The following SOX13 variants were observed in gnomAD, a reference collection of about 807,000 sequenced individuals.
SOX13 encodes the protein transcription factor SOX-13.
SOX13 carries 28 observed loss-of-function variants against 71.8 expected under a neutral mutation model. That is an observed-to-expected ratio of 0.39 (90% CI 0.29 to 0.53). The LOEUF (loss-of-function observed/expected upper bound fraction) is 0.53. Ranked by LOEUF, SOX13 falls within the 20% of genes least tolerant of loss-of-function variation. The pLI, the probability that SOX13 is intolerant of heterozygous loss-of-function variation, is 0.70. For missense variants in SOX13, 627 were observed against 810.3 expected (o/e 0.77, Z 2.75); for synonymous variants, 309 against 317.8 (o/e 0.97, Z 0.29).
At chr1:204,122,530 C>T in intron 9 of SOX13, 131 bp downstream of exon 9, 1 of 717,772 alleles carries the variant, frequency 1.4e-6, no homozygotes, top group Non-Finnish European at 2.3e-6. Context: ...TAGACTTGCT[C>T]TTAGCAGAAG....
rs1177612308 is a variant in SOX13 at position 204,114,576 on chromosome 1, G to A, written c.389G>A (p.Arg130Lys). 8.7e-6 allele frequency: 14 copies of A among 1,613,636 alleles called. No individual in the cohort carries two copies. The highest frequency in any genetic ancestry group is 1.2e-5 in the Non-Finnish European group (14 of 1,179,692). ...GACTGGAAGGAGAGGTTTCTAGGAA[G>A]GAACTCTATGGAAGCCAAAGATGTC... Reference protein sequence around the residue: ...SSDWKERFLGRNSMEAKDVKG... With the variant: ...SSDWKERFLGKNSMEAKDVKG... The change falls in exon 4 of 14, where the codon AGG becomes AAG. Residue 130 changes from arginine to lysine, a missense_variant. Arg to Lys is a conservative substitution (Grantham distance 26, BLOSUM62 2). Around this residue, in one of 3 missense-constraint regions of SOX13, gnomAD observed 447 missense variants for 532.2 expected, o/e 0.84. Transcript: ENST00000367204.
At chr1:204,087,174 G>A (rs1369782994) in intron 1 of SOX13, among the ~76,000 whole-genome samples, 5 of 152,122 alleles carry the variant, frequency 3.3e-5, no homozygotes, top group East Asian at 1.9e-4. Flanking sequence ...TGCCCGCCTC[G>A]GCCTCCCAAA....
intron 1 of SOX13, among the ~76,000 whole-genome samples, chr1:204,110,786 A>C (rs926590318): frequency 6.6e-6 from 1 of 152,190 alleles, no homozygotes; most frequent in Non-Finnish European, 1.5e-5. Context: ...GAGCTGATGC[A>C]GTATTTAAAT....
rs1313379378 is a variant in SOX13 at position 204,123,065 on chromosome 1, G to C, written c.1135-47G>C. The C allele has an allele frequency of 6.5e-7, 1 of 1,538,396 alleles. No individual in the cohort carries two copies. Among genetic ancestry groups the C allele is most frequent in the South Asian group, 1.1e-5 (1 of 89,210 alleles). ...CCAAGAGAGGAGCATGGGGAGGAGT[G>C]GGGTGATGCAGAGGAGGCTGATGTC... On this transcript the variant is annotated intron_variant, in intron 10 of 13. Coordinates refer to ENST00000367204, the MANE Select transcript of SOX13 (RefSeq NM_005686.3). The surrounding 1 kb of genome is among the most constrained non-coding windows in gnomAD (Gnocchi z 5.0).
Position 204,088,478 on chromosome 1 carries a change from ACTAAACATAATT to A in SOX13, c.-2+14768_-2+14779del, listed in dbSNP as rs1656070446. ...CATGGCATTTGCATATAACCAGTAC[ACTAAACATAATT>A]TTATAATCTATCCCCAGGCACATTC... is the stretch of plus-strand genomic sequence containing the variant. On this transcript the variant is annotated intron_variant, in intron 1 of 13. Coordinates refer to ENST00000367204, the MANE Select transcript of SOX13 (RefSeq NM_005686.3). Among the ~76,000 whole-genome samples, 3 of 152,176 alleles carry A rather than the reference ACTAAACATAATT, an allele frequency of 2.0e-5. No individual in the cohort carries two copies. In the South Asian group the frequency reaches 6.2e-4, roughly 31 times the overall value.
chr1:204,122,339 C>G lies in SOX13; in HGVS notation c.964C>G (p.Pro322Ala), dbSNP rs201524589. The G allele has an allele frequency of 8.1e-5, 127 of 1,561,552 alleles. No homozygotes were observed. Among genetic ancestry groups the G allele is most frequent in the Admixed American group, 3.2e-4 (17 of 53,570 alleles). The change falls in exon 9 of 14, where the codon CCC (proline) becomes GCC (alanine). Residue 322 changes from proline to alanine, a missense_variant. By Grantham distance (27) the Pro-to-Ala change is conservative. This residue lies in a region of SOX13 where 447 missense variants were observed against 532.2 expected (regional missense o/e 0.84). Transcript: ENST00000367204. ...GAAGATGAGCAGCTGTGTGCCCCGC[C>G]CCCCCAGCCATGGAGGCCCCACGCG... is the stretch of plus-strand genomic sequence containing the variant. ...SLKMSSCVPR[P>A]PSHGGPTRDL...
At chr1:204,122,545 CCTT>C in intron 9 of SOX13, 146 bp downstream of exon 9, 1 of 655,260 alleles carries the variant, frequency 1.5e-6, no homozygotes, top group East Asian at 2.8e-5. Flanking sequence ...CAGAAGATCC[CCTT>C]CTTCCTCTCC....
At chr1:204,103,999 G>A (rs1656409217) in intron 1 of SOX13, among the ~76,000 whole-genome samples, 1 of 152,226 alleles carries the variant, frequency 6.6e-6, no homozygotes. Flanking sequence ...TGCCTCTGAG[G>A]CCTGAGGACC....
At chr1:204,089,163 A>G (rs1174678384) in intron 1 of SOX13, among the ~76,000 whole-genome samples, 2 of 126,386 alleles carry the variant, frequency 1.6e-5, no homozygotes, top group Non-Finnish European at 1.6e-5. Context: ...TCTGTTCTCC[A>G]GTGTTGGGGG....
intron 1 of SOX13, among the ~76,000 whole-genome samples, chr1:204,085,790 C>T (rs556882500): frequency 1.2e-4 from 18 of 151,576 alleles, no homozygotes; most frequent in Middle Eastern, 3.4e-3. Context: ...CTGGCTAACA[C>T]GGTGAAACCC....
At chr1:204,074,486 ATTG>A (rs1429808990) in intron 1 of SOX13, 1 of 151,934 alleles carries the variant, frequency 6.6e-6, no homozygotes, top group African/African-American at 2.4e-5. Context: ...GCGGCTCGCC[ATTG>A]TTTTCCCACC....
intron 1 of SOX13, among the ~76,000 whole-genome samples, chr1:204,090,105 C>T (rs1656111770): frequency 6.6e-6 from 1 of 152,126 alleles, no homozygotes; most frequent in Non-Finnish European, 1.5e-5. Context: ...TGGTTTTTTG[C>T]ATCCCAGCCA....
chr1:204,093,416 G>A (rs1025437340), intron 1 of SOX13, among the ~76,000 whole-genome samples: 6 of 152,210 alleles, frequency 3.9e-5, no homozygotes, highest in Non-Finnish European at 7.3e-5. Flanking sequence ...CCAGCTGCGG[G>A]TGAATTGCAA....
chr1:204,112,905 C>T lies in SOX13; in HGVS notation c.-1-10C>T. The T allele has an allele frequency of 6.2e-7, 1 of 1,610,506 alleles. No individual in the cohort carries two copies. The highest frequency in any genetic ancestry group is 2.2e-5 in the East Asian group (1 of 44,858). On this transcript the variant is annotated splice_polypyrimidine_tract_variant and intron_variant, in intron 1 of 13. Coordinates refer to ENST00000367204, the MANE Select transcript of SOX13 (RefSeq NM_005686.3). ...GGGACTCACCTCAGCTCACTCTGTC[C>T]CTCCCCCAGGATGTCCATGAGGAGC...
In SOX13 at chr1:204,124,800, A is replaced by G; in HGVS notation, c.1535A>G (p.Glu512Gly). Residue 512 changes from glutamate to glycine, a missense_variant, in exon 13 of 14, where the codon GAG (glutamate) becomes GGG (glycine). Glu to Gly is a moderately conservative substitution (Grantham distance 98). Around this residue, in one of 3 missense-constraint regions of SOX13, gnomAD observed 148 missense variants for 192.7 expected, o/e 0.77. Coordinates refer to ENST00000367204, the MANE Select transcript of SOX13 (RefSeq NM_005686.3). ...IVEGKRLRVG[E>G]YKALMRTRRQ... ...GAGGGCAAGCGGCTGCGCGTGGGAG[A>G]GTACAAGGCCCTGATGAGGACCCGG... 1 of 1,593,866 alleles carries G rather than the reference A, an allele frequency of 6.3e-7. No individual in the cohort carries two copies. Among genetic ancestry groups the G allele is most frequent in the Non-Finnish European group, 8.5e-7 (1 of 1,170,858 alleles).
chr1:204,106,890 G>A (rs894438840), intron 1 of SOX13, among the ~76,000 whole-genome samples: 1 of 152,252 alleles, frequency 6.6e-6, no homozygotes, highest in Non-Finnish European at 1.5e-5. Flanking sequence ...CCATGAGAAT[G>A]TAAAATAGGC....
chr1:204,103,154 C>A (rs572184353), intron 1 of SOX13, among the ~76,000 whole-genome samples: 2 of 152,354 alleles, frequency 1.3e-5, no homozygotes, highest in African/African-American at 4.8e-5. Flanking sequence ...TTCTTGGAAT[C>A]TCTATTTTAC....
chr1:204,114,250 G>C (rs182948587), intron 2 of SOX13, 71 bp from the exon 3 acceptor site: 5 of 1,017,664 alleles, frequency 4.9e-6, no homozygotes, highest in Non-Finnish European at 7.4e-6. Flanking sequence ...ACATCTTTGG[G>C]GTGCCCAGCC....
intron 1 of SOX13, among the ~76,000 whole-genome samples, chr1:204,079,564 C>G (rs934445055): frequency 8.5e-5 from 13 of 152,128 alleles, no homozygotes; most frequent in African/African-American, 2.4e-4. Flanking sequence ...CATGGCTGGT[C>G]TCGAACCCCC....
Sources: gnomAD v4.1 joint callset for allele counts (sites outside exome capture counted in the v4.1 genomes callset) on GRCh38, gnomAD v4.1.1 for gene constraint, gnomAD v4.1.1 regional missense constraint, Gnocchi (gnomAD v3.1) non-coding constraint, MANE v1.5 for transcripts, NCBI Gene and HGNC (gene_info 2026-07-23, HGNC 2026-07-21) for gene names.